The following CA8 variants were observed in gnomAD, a reference collection of about 807,000 sequenced individuals.
CA8 encodes the protein carbonic anhydrase-related protein.
CA8 carries 22 observed loss-of-function variants against 41.4 expected under a neutral mutation model. The observed-to-expected ratio is 0.53, with a 90% confidence interval of 0.38 to 0.76. The LOEUF is 0.76. CA8 is among the 30% of genes least tolerant of loss of function. The probability of loss-of-function intolerance (pLI) is 0.00; values close to 1 mark genes in which losing one functional copy is unlikely to be tolerated. For missense variants in CA8, 270 were observed against 352.8 expected (o/e 0.77, Z 1.88); for synonymous variants, 121 against 130.6 (o/e 0.93, Z 0.50).
intron 8 of CA8, among the ~76,000 whole-genome samples, chr8:60,204,244 C>T (rs1235367895): frequency 6.6e-6 from 1 of 152,154 alleles, no homozygotes; most frequent in African/African-American, 2.4e-5. Flanking sequence ...GTTTAAATGA[C>T]AAACTGGTCA....
intron 2 of CA8, among the ~76,000 whole-genome samples, chr8:60,266,906 C>T (rs1803917795): frequency 6.6e-6 from 1 of 152,190 alleles, no homozygotes; most frequent in African/African-American, 2.4e-5. Flanking sequence ...TTTCCTCTAG[C>T]AACTCCCAAT....
rs1316071063 is a variant in CA8 at position 60,188,159 on chromosome 8, A to C, written c.*1862T>G. ...ACAGTAAATAAATTCAAATTGCTTC[A>C]ATATACAGACATAAACACACATACA... On this transcript the variant is annotated 3_prime_UTR_variant, in exon 9 of 9. Coordinates refer to ENST00000317995, the MANE Select transcript of CA8 (RefSeq NM_004056.6). 1 of 152,224 alleles carries C rather than the reference A, an allele frequency of 6.6e-6. No homozygotes were observed. The highest frequency in any genetic ancestry group is 1.5e-5 in the Non-Finnish European group (1 of 68,034). 9.4% of individuals were successfully genotyped at this position (152,224 alleles called of 1,614,324 possible). A position where few individuals can be genotyped will look rare whatever the true frequency, so the allele number is the denominator to read the frequency against.
chr8:60,238,761 C>T (rs1439870934), intron 3 of CA8, among the ~76,000 whole-genome samples: 1 of 152,140 alleles, frequency 6.6e-6, no homozygotes, highest in Non-Finnish European at 1.5e-5. Context: ...CTTCCCCACC[C>T]TAACTCTCCC....
chr8:60,210,020 T>C (rs1043738841), intron 7 of CA8, among the ~76,000 whole-genome samples: 3 of 152,240 alleles, frequency 2.0e-5, no homozygotes. Flanking sequence ...GTTCATTGTC[T>C]GTTAATTCAC....
chr8:60,233,225 C>T (rs1434287973), intron 3 of CA8, among the ~76,000 whole-genome samples: 2 of 152,170 alleles, frequency 1.3e-5, no homozygotes, highest in African/African-American at 2.4e-5. Context: ...AATTACTTAC[C>T]GCCTTACAAC....
chr8:60,242,792 A>G (rs755437457), intron 3 of CA8, among the ~76,000 whole-genome samples: 1 of 152,238 alleles, frequency 6.6e-6, no homozygotes, highest in Non-Finnish European at 1.5e-5. Context: ...CTAGAGCAGA[A>G]TCCGAGTCAG....
chr8:60,234,732 A>C (rs1218209616), intron 3 of CA8, among the ~76,000 whole-genome samples: 1 of 152,136 alleles, frequency 6.6e-6, no homozygotes, highest in African/African-American at 2.4e-5. Context: ...CTGGGTCTTC[A>C]ATAACCACCT....
chr8:60,209,807 C>G (rs887564131), intron 7 of CA8, among the ~76,000 whole-genome samples: 2 of 152,158 alleles, frequency 1.3e-5, no homozygotes, highest in African/African-American at 2.4e-5. Context: ...ATTAGGTGGG[C>G]TCTCCAGGTC....
chr8:60,267,123 A>AT (rs1310260695), intron 2 of CA8, among the ~76,000 whole-genome samples: 1 of 152,210 alleles, frequency 6.6e-6, no homozygotes, highest in Non-Finnish European at 1.5e-5. Flanking sequence ...TGGTGCAACA[A>AT]TATTTACTTG....
rs749308896 is a variant in CA8, at chr8:60,279,680, C to T, written c.292+9G>A. ...TTAAAAGACCACACAAACATATTTT[C>T]TAAAATACCTGATTTTGACTTCAGG... On this transcript the variant is annotated intron_variant, in intron 2 of 8. Coordinates refer to ENST00000317995, the MANE Select transcript of CA8 (RefSeq NM_004056.6). The T allele has an allele frequency of 6.8e-6, 11 of 1,612,184 alleles. No homozygotes were observed. The East Asian group carries it at 2.5e-4, about 36-fold the overall frequency.
chr8:60,258,472 G>A (rs964963617), intron 3 of CA8, among the ~76,000 whole-genome samples: 1 of 152,146 alleles, frequency 6.6e-6, no homozygotes, highest in Non-Finnish European at 1.5e-5. Context: ...TAAAGCAGCA[G>A]TGCCCAACCT....
Position 60,189,023 on chromosome 8 carries a change from C to A in CA8, c.*998G>T, listed in dbSNP as rs907130695. 2.6e-5 allele frequency: 4 copies of A among 152,114 alleles called. No homozygotes were observed. Among genetic ancestry groups the A allele is most frequent in the Non-Finnish European group, 1.5e-5 (1 of 68,028 alleles). 9.4% of individuals were successfully genotyped at this position (152,114 alleles called of 1,614,324 possible). A position where few individuals can be genotyped will look rare whatever the true frequency, so the allele number is the denominator to read the frequency against. Reference sequence around the variant, plus strand: ...TGTTTGCTTTGTGCCAGGTACTCTACTGCTTTACATAAATTATCTCATTCT... The same window carrying A: ...TGTTTGCTTTGTGCCAGGTACTCTAATGCTTTACATAAATTATCTCATTCT... On this transcript the variant is annotated 3_prime_UTR_variant, in exon 9 of 9. Coordinates refer to ENST00000317995, the MANE Select transcript of CA8 (RefSeq NM_004056.6).
chr8:60,207,974 C>T (rs1806694784), intron 8 of CA8: 1 of 152,164 alleles, frequency 6.6e-6, no homozygotes, highest in African/African-American at 2.4e-5. Flanking sequence ...AGGTTCTATT[C>T]CAACAGATGC....
intron 3 of CA8, among the ~76,000 whole-genome samples, chr8:60,259,320 C>A (rs1025335174): frequency 6.6e-6 from 1 of 152,200 alleles, no homozygotes; most frequent in Non-Finnish European, 1.5e-5. Flanking sequence ...CTTACCCATA[C>A]ATTAATTACA....
rs187958542 is a variant in CA8 at position 60,227,039 on chromosome 8, C to T, written c.514-104G>A. 5.4e-5 allele frequency: 45 copies of T among 827,886 alleles called. No individual in the cohort carries two copies. In the Middle Eastern group the frequency reaches 1.0e-3, roughly 19 times the overall value. 51.3% of individuals were successfully genotyped at this position (827,886 alleles called of 1,614,324 possible). ...GAGTGTGGTGGCTCATGCCTGTAAC[C>T]CCAGCACTTTGGGAGGCCGAGTTGG... On this transcript the variant is annotated intron_variant, in intron 4 of 8. Transcript: ENST00000317995.
intron 3 of CA8, among the ~76,000 whole-genome samples, chr8:60,234,104 T>C (rs892781419): frequency 2.6e-5 from 4 of 152,232 alleles, no homozygotes; most frequent in African/African-American, 9.6e-5. Flanking sequence ...TGTATCCCTA[T>C]ATGTGATGAG....
chr8:60,269,148 T>C (rs1450523105), intron 2 of CA8, among the ~76,000 whole-genome samples: 2 of 152,218 alleles, frequency 1.3e-5, no homozygotes, highest in East Asian at 3.8e-4. Context: ...AGAATGATTG[T>C]GTTTATGGAC....
Position 60,186,630 on chromosome 8 carries a change from CA to C in CA8, c.*3390del, listed in dbSNP as rs201663196. Reference sequence around the variant, plus strand: ...GCAGAGAGACTGTCAGACTGGATTTCAAAAAAAAACAAGATCCAACTATAAG... The same window carrying C: ...GCAGAGAGACTGTCAGACTGGATTTCAAAAAAAACAAGATCCAACTATAAG... On this transcript the variant is annotated 3_prime_UTR_variant, in exon 9 of 9. Coordinates refer to ENST00000317995, the MANE Select transcript of CA8 (RefSeq NM_004056.6). Among the ~76,000 whole-genome samples, 3 of 146,346 alleles carry C rather than the reference CA, an allele frequency of 2.0e-5. No individual in the cohort carries two copies. The highest frequency in any genetic ancestry group is 2.2e-4 in the South Asian group (1 of 4,614).
At chr8:60,209,597 T>C (rs1806763487) in intron 7 of CA8, among the ~76,000 whole-genome samples, 1 of 152,252 alleles carries the variant, frequency 6.6e-6, no homozygotes, top group African/African-American at 2.4e-5. Flanking sequence ...TACATTTTAA[T>C]TAATGGATTC....
Sources: allele counts gnomAD v4.1 joint callset (sites outside exome capture counted in the v4.1 genomes callset), GRCh38; gene constraint gnomAD v4.1.1; transcripts MANE v1.5; gene names NCBI Gene and HGNC (gene_info 2026-07-23, HGNC 2026-07-21).